The following IL13RA2 variants were observed in gnomAD, a reference collection of about 807,000 sequenced individuals.
IL13RA2 encodes interleukin-13 receptor subunit alpha-2.
In IL13RA2, 25 loss-of-function variants were observed where a neutral mutation model predicts 34.1. The ratio of observed to expected loss-of-function variants is 0.73; its 90% CI spans 0.53 to 1.03. The LOEUF is 1.03. IL13RA2 is among the 50% of genes least tolerant of loss of function. The pLI, the probability that IL13RA2 is intolerant of heterozygous loss-of-function variation, is 0.00. For synonymous variants in IL13RA2, 106 were observed against 100.4 expected (o/e 1.06, Z -0.33); for missense variants, 297 against 280.9 (o/e 1.06, Z -0.41).
chrX:115,010,658 T>A lies in IL13RA2; in HGVS notation c.692A>T (p.Gln231Leu). 2.1e-6 allele frequency: 2 copies of A among 946,052 alleles called. No individual in the cohort carries two copies. Among genetic ancestry groups the A allele is most frequent in the Non-Finnish European group, 2.9e-6 (2 of 680,634 alleles). The allele number at this position is 946,052 out of a possible 1,213,427, so 78.0% of individuals were successfully genotyped here. ...GTTTACATCACCTATATTTTGAAGC[T>A]GAAAAGTGAAATAACTGGATCTGAT... ...KPIRSSYFTF[Q>L]LQNIVKPLPP... The change falls in exon 6 of 10, where the codon CAG becomes CTG. Residue 231 changes from glutamine (Q) to leucine (L), a missense_variant. Coordinates refer to ENST00000243213, the MANE Select transcript of IL13RA2 (RefSeq NM_000640.3).
chrX:115,008,726 A>C (rs2071694399), intron 7 of IL13RA2, among the ~76,000 whole-genome samples: 2 of 111,781 alleles, frequency 1.8e-5, no homozygotes, highest in Admixed American at 9.5e-5. Flanking sequence ...CAATTATTTC[A>C]ATTTTGCATT....
At chrX:115,014,729 T>G (rs1192827751) in intron 3 of IL13RA2, among the ~76,000 whole-genome samples, 155 bp from the exon 4 acceptor site, 2 of 111,590 alleles carry the variant, frequency 1.8e-5, no homozygotes, top group Non-Finnish European at 3.8e-5. Flanking sequence ...CAGATACATT[T>G]CCAGCAGAGC....
chrX:115,013,062 G>A (rs2071712666), intron 5 of IL13RA2, among the ~76,000 whole-genome samples: 1 of 111,410 alleles, frequency 9.0e-6, no homozygotes, highest in Non-Finnish European at 1.9e-5. Flanking sequence ...GGGGCAATGA[G>A]TAGACACAGG....
At chrX:115,013,208 G>A (rs1556508976) in intron 5 of IL13RA2, among the ~76,000 whole-genome samples, 1 of 111,222 alleles carries the variant, frequency 9.0e-6, no homozygotes, top group Non-Finnish European at 1.9e-5. Flanking sequence ...CATTTTGGAA[G>A]CAATGGCAAT....
chrX:115,007,889 A>G (rs782592250), intron 8 of IL13RA2, 43 bp downstream of exon 8: 9 of 817,223 alleles, frequency 1.1e-5, no homozygotes, highest in Non-Finnish European at 1.2e-5. Flanking sequence ...TAATTTTGCT[A>G]GCAAAGAGCT....
intron 7 of IL13RA2, 31 bp downstream of exon 7, chrX:115,009,490 T>C (rs368085295): frequency 2.0e-4 from 226 of 1,143,161 alleles, no homozygotes; most frequent in South Asian, 1.7e-3. Context: ...GCTGTAGTTA[T>C]GATTTTCCCA....
intron 4 of IL13RA2, among the ~76,000 whole-genome samples, chrX:115,014,145 T>C (rs188126645): frequency 3.1e-4 from 35 of 112,051 alleles, no homozygotes; most frequent in Non-Finnish European, 2.8e-4. Flanking sequence ...TATTCTAGGA[T>C]GCTCTGAGCA....
At chrX:115,011,830 C>A (rs17095054) in intron 5 of IL13RA2, among the ~76,000 whole-genome samples, 19,834 of 111,319 alleles carry the variant, frequency 0.18, 1,508 homozygotes, top group African/African-American at 0.29. Flanking sequence ...CCTATTTCAC[C>A]AAGATGAGGA....
chrX:115,006,910 T>C (rs1388273188), intron 8 of IL13RA2, among the ~76,000 whole-genome samples: 1 of 111,898 alleles, frequency 8.9e-6, no homozygotes, highest in African/African-American at 3.2e-5. Flanking sequence ...AACATAAAAC[T>C]AGTAAGTCTT....
At position 115,013,757 on chromosome X, in the gene IL13RA2, A is replaced by C; in HGVS notation, c.521+12T>G. The C allele has an allele frequency of 1.0e-6, 1 of 971,647 alleles. No individual in the cohort carries two copies. The highest frequency in any genetic ancestry group is 3.1e-5 in the East Asian group (1 of 32,164). 80.1% of individuals were successfully genotyped at this position (971,647 alleles called of 1,213,427 possible). Reference sequence around the variant, plus strand: ...TTTTTTAATATGGAATTCTAATTATAAAAATACTTACCAGTAAAACAAGTT... The same window carrying C: ...TTTTTTAATATGGAATTCTAATTATCAAAATACTTACCAGTAAAACAAGTT... On this transcript the variant is annotated intron_variant, in intron 5 of 9. Transcript: ENST00000243213.
chrX:115,015,294 T>A (rs782090684), intron 3 of IL13RA2, among the ~76,000 whole-genome samples: 2 of 111,620 alleles, frequency 1.8e-5, no homozygotes, highest in Admixed American at 9.5e-5. Context: ...CAAAGATAAA[T>A]AAGCCTTGTC....
At chrX:115,013,396 T>G (rs1318125175) in intron 5 of IL13RA2, among the ~76,000 whole-genome samples, 3 of 111,480 alleles carry the variant, frequency 2.7e-5, no homozygotes, top group Non-Finnish European at 3.8e-5. Context: ...AAAGCTTCAG[T>G]GACAGTTAAC....
At position 115,008,066 on chromosome X, in the gene IL13RA2, A is replaced by C; in HGVS notation, c.863T>G (p.Val288Gly). The change falls in exon 8 of 10, where the codon GTT becomes GGT. Residue 288 changes from valine (V) to glycine (G), a missense_variant. By Grantham distance (109) the Val-to-Gly change is moderately radical. Coordinates refer to ENST00000243213, the MANE Select transcript of IL13RA2 (RefSeq NM_000640.3). Reference protein sequence around the residue: ...EDDTTLVTATVENETYTLKTT... With the variant: ...EDDTTLVTATGENETYTLKTT... The stretch of plus-strand genomic sequence containing the variant: ...TTTCAAGGTGTATGTTTCATTTTCA[A>C]CTGTAGCAGTCTGAAAGCCAAGGAC... The C allele has an allele frequency of 8.6e-7, 1 of 1,160,461 alleles. No homozygotes were observed. The highest frequency in any genetic ancestry group is 1.8e-5 in the South Asian group (1 of 54,563).
At chrX:115,005,406 G>A in intron 8 of IL13RA2, 91 bp from the exon 9 acceptor site, 2 of 551,910 alleles carry the variant, frequency 3.6e-6, no homozygotes, top group Non-Finnish European at 6.4e-6. Context: ...TCAGAACTGA[G>A]TTGAGCTTGG....
At chrX:115,006,806 A>G (rs2071687105) in intron 8 of IL13RA2, among the ~76,000 whole-genome samples, 1 of 112,324 alleles carries the variant, frequency 8.9e-6, no homozygotes. Flanking sequence ...ACTCACCATA[A>G]CCACTTTATA....
intron 3 of IL13RA2, among the ~76,000 whole-genome samples, chrX:115,015,444 T>C (rs2071722764): frequency 9.0e-6 from 1 of 111,571 alleles, no homozygotes; most frequent in Non-Finnish European, 1.9e-5. Context: ...CCGAGTTTTT[T>C]GTTTTTGTTT....
chrX:115,012,666 G>A (rs2071710351), intron 5 of IL13RA2, among the ~76,000 whole-genome samples: 1 of 110,829 alleles, frequency 9.0e-6, no homozygotes, highest in South Asian at 3.8e-4. Flanking sequence ...TCGGGAGGCT[G>A]AGGCATGAGA....
chrX:115,014,663 C>T (rs2071719505), intron 3 of IL13RA2, 89 bp from the exon 4 acceptor site: 1 of 574,206 alleles, frequency 1.7e-6, no homozygotes, highest in African/African-American at 2.2e-5. Context: ...ATCATTAATA[C>T]CCTGGAGAGT....
intron 2 of IL13RA2, among the ~76,000 whole-genome samples, chrX:115,016,810 T>C (rs1321551197): frequency 9.1e-6 from 1 of 109,420 alleles, no homozygotes; most frequent in Non-Finnish European, 1.9e-5. Flanking sequence ...CTAATTGTCA[T>C]AAAAGCTAAG....
Sources: gnomAD v4.1 joint callset for allele counts (sites outside exome capture counted in the v4.1 genomes callset) on GRCh38, gnomAD v4.1.1 for gene constraint, MANE v1.5 for transcripts, NCBI Gene and HGNC (gene_info 2026-07-23, HGNC 2026-07-21) for gene names.